The following ZCCHC17 variants were observed in gnomAD, a reference collection of about 807,000 sequenced individuals.
The protein encoded by ZCCHC17 is zinc finger CCHC-type containing 17, also known as zinc finger CCHC domain-containing protein 17.
In ZCCHC17, 18 loss-of-function variants were observed where a neutral mutation model predicts 30.6. The ratio of observed to expected loss-of-function variants is 0.59; its 90% CI spans 0.41 to 0.87. The LOEUF (loss-of-function observed/expected upper bound fraction) is 0.87. Among genes scored for constraint, ZCCHC17 ranks in the 40% least tolerant of loss-of-function variants. The pLI is 0.00. For missense variants in ZCCHC17, 263 were observed against 284.2 expected (o/e 0.93, Z 0.54); for synonymous variants, 88 against 92.4 (o/e 0.95, Z 0.27).
intron 1 of ZCCHC17, among the ~76,000 whole-genome samples, chr1:31,308,811 A>T (rs1162183880): frequency 1.3e-5 from 2 of 152,240 alleles, no homozygotes; most frequent in Non-Finnish European, 2.9e-5. Context: ...AACACCTCAG[A>T]CCTACTGAAC....
chr1:31,333,780 T>C (rs573847845), intron 3 of ZCCHC17, among the ~76,000 whole-genome samples: 1 of 152,342 alleles, frequency 6.6e-6, no homozygotes, highest in South Asian at 2.1e-4. Context: ...AGGACAAGTT[T>C]TGATGCCATT....
chr1:31,315,120 G>A (rs941971203), intron 2 of ZCCHC17, among the ~76,000 whole-genome samples: 6 of 152,064 alleles, frequency 3.9e-5, no homozygotes, highest in South Asian at 2.1e-4. Flanking sequence ...CTACTAGATC[G>A]TGAGTTACTG....
intron 2 of ZCCHC17, among the ~76,000 whole-genome samples, chr1:31,312,934 A>G (rs1447862718): frequency 2.6e-5 from 4 of 151,752 alleles, no homozygotes; most frequent in African/African-American, 7.3e-5. Context: ...CACCACACCC[A>G]GCTAAATTTT....
Position 31,364,328 on chromosome 1 carries a change from C to T in ZCCHC17, c.*135C>T, listed in dbSNP as rs1365834727. The T allele has an allele frequency of 7.1e-7, 1 of 1,412,564 alleles. No individual in the cohort carries two copies. Among genetic ancestry groups the T allele is most frequent in the African/African-American group, 1.4e-5 (1 of 69,144 alleles). 87.5% of individuals were successfully genotyped at this position (1,412,564 alleles called of 1,614,324 possible). On this transcript the variant is annotated 3_prime_UTR_variant, in exon 8 of 8. Transcript: ENST00000344147. ...TCGCTCCCATGGGAGATGGCTTCCC[C>T]TCATGCAACAGGCAGGTTTGGGAGT...
At chr1:31,350,814 G>A (rs767157011) in intron 7 of ZCCHC17, among the ~76,000 whole-genome samples, 2 of 151,866 alleles carry the variant, frequency 1.3e-5, no homozygotes, top group Non-Finnish European at 2.9e-5. Context: ...GTTGGCCAGG[G>A]TGGTCTCAAA....
intron 5 of ZCCHC17, among the ~76,000 whole-genome samples, chr1:31,345,835 C>T (rs1321821793): frequency 1.1e-4 from 16 of 151,610 alleles, no homozygotes; most frequent in Non-Finnish European, 2.2e-4. Context: ...AACTCCCTCA[C>T]TATCACATGG....
intron 3 of ZCCHC17, among the ~76,000 whole-genome samples, chr1:31,328,582 T>G (rs1173504701): frequency 2.0e-5 from 3 of 152,076 alleles, no homozygotes; most frequent in Non-Finnish European, 4.4e-5. Context: ...ATAGTATGTA[T>G]AGGATTCAGT....
intron 1 of ZCCHC17, among the ~76,000 whole-genome samples, chr1:31,302,553 G>GA (rs1263931870): frequency 6.6e-6 from 1 of 152,164 alleles, no homozygotes; most frequent in Non-Finnish European, 1.5e-5. Flanking sequence ...GTTAGTGTTA[G>GA]AGCTATATTC....
chr1:31,307,945 C>T (rs897104783), intron 1 of ZCCHC17, among the ~76,000 whole-genome samples: 13 of 152,192 alleles, frequency 8.5e-5, no homozygotes, highest in Non-Finnish European at 1.8e-4. Context: ...GTTTCAGCTG[C>T]TGGTGCCCCT....
At chr1:31,350,774 A>G (rs1490596008) in intron 7 of ZCCHC17, among the ~76,000 whole-genome samples, 1 of 151,754 alleles carries the variant, frequency 6.6e-6, no homozygotes, top group Non-Finnish European at 1.5e-5. Context: ...TAATTTTTGT[A>G]TTTTTTTAGT....
chr1:31,314,866 C>A (rs531467553), intron 2 of ZCCHC17, among the ~76,000 whole-genome samples: 1 of 152,112 alleles, frequency 6.6e-6, no homozygotes, highest in Non-Finnish European at 1.5e-5. Flanking sequence ...GGGTTTTCAC[C>A]ATGTTGACCA....
At chr1:31,320,140 C>T (rs1343739088) in intron 3 of ZCCHC17, among the ~76,000 whole-genome samples, 2 of 152,090 alleles carry the variant, frequency 1.3e-5, no homozygotes, top group East Asian at 3.9e-4. Context: ...GTAACTTAGA[C>T]TGGTAGATTC....
At chr1:31,348,176 A>C (rs1639343651) in intron 6 of ZCCHC17, among the ~76,000 whole-genome samples, 1 of 152,248 alleles carries the variant, frequency 6.6e-6, no homozygotes, top group South Asian at 2.1e-4. Flanking sequence ...AGCAGAAAGC[A>C]CAGGGCAGGG....
chr1:31,355,312 T>C (rs1369776642), intron 7 of ZCCHC17, among the ~76,000 whole-genome samples: 1 of 152,158 alleles, frequency 6.6e-6, no homozygotes, highest in Non-Finnish European at 1.5e-5. Context: ...TCTACCAAGA[T>C]AGCATTTAGC....
intron 3 of ZCCHC17, among the ~76,000 whole-genome samples, chr1:31,322,729 T>C (rs1443553212): frequency 6.6e-6 from 1 of 151,678 alleles, no homozygotes; most frequent in Non-Finnish European, 1.5e-5. Flanking sequence ...AAATTTCTTT[T>C]TTTTTTTTTT....
intron 1 of ZCCHC17, among the ~76,000 whole-genome samples, chr1:31,303,043 T>G (rs1646357199): frequency 6.6e-6 from 1 of 151,834 alleles, no homozygotes; most frequent in African/African-American, 2.4e-5. Flanking sequence ...TTTGGGAGGC[T>G]GAGGTAGGAG....
chr1:31,336,133 C>T (rs113632335), intron 3 of ZCCHC17, among the ~76,000 whole-genome samples: 12,877 of 151,654 alleles, frequency 0.085, 1,796 homozygotes, highest in African/African-American at 0.29. Context: ...AGTGCAGTGG[C>T]GCAATCTCAG....
At chr1:31,319,485 C>G (rs1646812073) in intron 3 of ZCCHC17, among the ~76,000 whole-genome samples, 1 of 152,142 alleles carries the variant, frequency 6.6e-6, no homozygotes. Context: ...CAAGCTACCT[C>G]TGTCTGAGGC....
Position 31,308,331 on chromosome 1 carries a change from G to A in ZCCHC17, c.-55-1713G>A, listed in dbSNP as rs1046402994. Among the ~76,000 whole-genome samples the A allele has an allele frequency of 3.9e-5, 6 of 152,358 alleles. No homozygotes were observed. The East Asian group carries it at 1.2e-3, about 29-fold the overall frequency. ...TTGAGGACAGGGATGTTCCTGAGCTGTGGGATAATACTAGAACAAGGGTTT... is the reference window on the plus strand; with the variant it reads ...TTGAGGACAGGGATGTTCCTGAGCTATGGGATAATACTAGAACAAGGGTTT... On this transcript the variant is annotated intron_variant, in intron 1 of 7. Coordinates refer to ENST00000344147, the MANE Select transcript of ZCCHC17 (RefSeq NM_016505.4).
Sources: gnomAD v4.1 joint callset for allele counts (sites outside exome capture counted in the v4.1 genomes callset) on GRCh38, gnomAD v4.1.1 for gene constraint, MANE v1.5 for transcripts, NCBI Gene and HGNC (gene_info 2026-07-23, HGNC 2026-07-21) for gene names.